BANK1: variants seen among roughly 807,000 people sequenced by gnomAD.
The protein encoded by BANK1 is B cell scaffold protein with ankyrin repeats 1, also known as B-cell scaffold protein with ankyrin repeats.
Under a neutral mutation model 94.5 loss-of-function variants are expected in BANK1, and 95 were observed. That is an observed-to-expected ratio of 1.00 (90% CI 0.85 to 1.19). BANK1 has a LOEUF of 1.19. BANK1 is among the 50% of genes most tolerant of loss of function. The probability of loss-of-function intolerance (pLI) is 0.00; values close to 1 mark genes in which losing one functional copy is unlikely to be tolerated. For synonymous variants in BANK1, 334 were observed against 308.4 expected, an observed-to-expected ratio of 1.08 and a Z score of -0.87; for missense variants, 987 against 932.2, an observed-to-expected ratio of 1.06 and a Z score of -0.77.
chr4:101,986,345 G>A (rs1340317107), intron 7 of BANK1, among the ~76,000 whole-genome samples: 1 of 151,894 alleles, frequency 6.6e-6, no homozygotes, highest in Non-Finnish European at 1.5e-5. Flanking sequence ...ATACCAAATG[G>A]CTCAAGCAAA....
intron 10 of BANK1, among the ~76,000 whole-genome samples, chr4:102,042,732 C>T (rs1369923482): frequency 6.6e-6 from 1 of 152,010 alleles, no homozygotes; most frequent in East Asian, 1.9e-4. Context: ...GGCCTCAGCT[C>T]AATTATCCCA....
chr4:101,856,299 T>C (rs1478179345), intron 3 of BANK1, among the ~76,000 whole-genome samples: 3 of 152,080 alleles, frequency 2.0e-5, no homozygotes, highest in East Asian at 3.8e-4. Flanking sequence ...GACACTACCT[T>C]AGAGACCCCA....
intron 1 of BANK1, among the ~76,000 whole-genome samples, chr4:101,810,473 T>G (rs892963316): frequency 1.3e-5 from 2 of 152,162 alleles, no homozygotes; most frequent in African/African-American, 4.8e-5. Flanking sequence ...GAAAAATAGA[T>G]GTAACCATGA....
intron 2 of BANK1, among the ~76,000 whole-genome samples, chr4:101,838,248 C>T (rs1726905850): frequency 6.6e-6 from 1 of 152,300 alleles, no homozygotes; most frequent in South Asian, 2.1e-4. Context: ...CATGAACCAT[C>T]ATGCCCAGCC....
At chr4:102,046,811 T>C (rs1727893950) in intron 11 of BANK1, among the ~76,000 whole-genome samples, 1 of 152,102 alleles carries the variant, frequency 6.6e-6, no homozygotes, top group African/African-American at 2.4e-5. Context: ...TAGCAGATCA[T>C]GTATTATGAT....
At chr4:101,810,851 G>A (rs1345730610) in intron 1 of BANK1, among the ~76,000 whole-genome samples, 1 of 152,094 alleles carries the variant, frequency 6.6e-6, no homozygotes, top group African/African-American at 2.4e-5. Context: ...ACATTCATTA[G>A]CATATATTAG....
At chr4:102,021,381 T>C in intron 7 of BANK1, 133 bp from the exon 8 acceptor site, 1 of 371,066 alleles carries the variant, frequency 2.7e-6, no homozygotes, top group South Asian at 8.0e-5. Flanking sequence ...CATTTATAGA[T>C]GGCACAAATA....
rs143434251 is a variant in BANK1 at position 101,792,441 on chromosome 4, T to TTG, written c.70+1519_70+1520dup. ...TTCTAGCTTTTATAAATCCAGTGGT[T>TTG]TGTGTGTGTGTGTGTGTGTGTGTGT... On this transcript the variant is annotated intron_variant, in intron 1 of 16. Coordinates refer to ENST00000322953, the MANE Select transcript of BANK1 (RefSeq NM_017935.5). 3.5e-3 allele frequency among the ~76,000 whole-genome samples: 474 copies of TTG among 136,802 alleles called. 3 individuals carry two copies. The highest frequency in any genetic ancestry group is 0.014 in the East Asian group (66 of 4,664). 89.7% of individuals were successfully genotyped at this position (136,802 alleles called of 152,430 possible).
intron 1 of BANK1, among the ~76,000 whole-genome samples, chr4:101,817,240 G>A (rs894594171): frequency 3.3e-5 from 5 of 152,018 alleles, no homozygotes; most frequent in Non-Finnish European, 7.4e-5. Flanking sequence ...TATGTTCATC[G>A]CAGCATTATT....
rs141763769 is a variant in BANK1, at chr4:102,059,740, CT to C, written c.1970-470del. 6.4e-3 allele frequency among the ~76,000 whole-genome samples: 974 copies of C among 152,226 alleles called. 18 individuals carry two copies. The highest frequency in any genetic ancestry group is 0.052 in the East Asian group (268 of 5,182). On this transcript the variant is annotated intron_variant, in intron 11 of 16. Coordinates refer to ENST00000322953, the MANE Select transcript of BANK1 (RefSeq NM_017935.5). Reference sequence around the variant, plus strand: ...TTCAGAAATAAATTTTCAAATGATCCTAAGCCTTTTGTGACATTTGGATGTT... The same window carrying C: ...TTCAGAAATAAATTTTCAAATGATCCAAGCCTTTTGTGACATTTGGATGTT...
intron 5 of BANK1, among the ~76,000 whole-genome samples, chr4:101,872,245 G>A (rs781023295): frequency 1.1e-4 from 16 of 152,210 alleles, no homozygotes; most frequent in Non-Finnish European, 2.2e-4. Context: ...GGCATGGCAA[G>A]GAGAGACATT....
chr4:101,829,072 T>C (rs1348202058), intron 1 of BANK1, among the ~76,000 whole-genome samples: 2 of 151,778 alleles, frequency 1.3e-5, no homozygotes, highest in African/African-American at 2.4e-5. Context: ...CTGTGTTAGC[T>C]AGAATGGTCT....
At chr4:102,009,281 C>G (rs1008694643) in intron 7 of BANK1, among the ~76,000 whole-genome samples, 7 of 152,194 alleles carry the variant, frequency 4.6e-5, no homozygotes, top group African/African-American at 1.7e-4. Context: ...GCCCTGTAGG[C>G]AGATATCTAT....
At chr4:101,858,235 A>G (rs750991753) in intron 3 of BANK1, among the ~76,000 whole-genome samples, 4 of 152,150 alleles carry the variant, frequency 2.6e-5, no homozygotes, top group Non-Finnish European at 1.5e-5. Flanking sequence ...GCTTGCAGAG[A>G]TTTTTGATTG....
intron 11 of BANK1, among the ~76,000 whole-genome samples, chr4:102,049,386 T>C (rs1048202364): frequency 2.0e-5 from 3 of 152,188 alleles, no homozygotes; most frequent in Non-Finnish European, 1.5e-5. Flanking sequence ...TCTTGGACTG[T>C]ACAGAAGGGC....
At chr4:101,967,562 A>G (rs890122658) in intron 7 of BANK1, among the ~76,000 whole-genome samples, 1 of 152,022 alleles carries the variant, frequency 6.6e-6, no homozygotes, top group African/African-American at 2.4e-5. Flanking sequence ...ATTCAATTCA[A>G]TAAACCCACC....
intron 7 of BANK1, among the ~76,000 whole-genome samples, chr4:101,974,849 C>T (rs1475320444): frequency 2.6e-5 from 4 of 151,636 alleles, no homozygotes; most frequent in Non-Finnish European, 5.9e-5. Flanking sequence ...CCCAGCTACT[C>T]GGGAGGCTGA....
At chr4:101,974,661 A>C (rs960666853) in intron 7 of BANK1, among the ~76,000 whole-genome samples, 1 of 152,026 alleles carries the variant, frequency 6.6e-6, no homozygotes, top group Non-Finnish European at 1.5e-5. Context: ...TCTTATTGAG[A>C]TTCTACTCTA....
At chr4:101,893,222 T>C (rs1721939502) in intron 5 of BANK1, among the ~76,000 whole-genome samples, 1 of 152,038 alleles carries the variant, frequency 6.6e-6, no homozygotes, top group South Asian at 2.1e-4. Flanking sequence ...AGTGCTGTGG[T>C]ACCCTCCATG....
Sources: gnomAD v4.1 joint callset for allele counts (sites outside exome capture counted in the v4.1 genomes callset) on GRCh38, gnomAD v4.1.1 for gene constraint, MANE v1.5 for transcripts, NCBI Gene and HGNC (gene_info 2026-07-23, HGNC 2026-07-21) for gene names.